Variants in APBA1 observed in about 807,000 individuals in gnomAD.
APBA1 encodes the protein amyloid beta precursor protein binding family A member 1.
APBA1 carries 55 observed loss-of-function variants against 86.6 expected under a neutral mutation model. That is an observed-to-expected ratio of 0.64 (90% CI 0.51 to 0.80). The LOEUF (loss-of-function observed/expected upper bound fraction) is 0.80, where lower values mean the gene tolerates loss of function less well. Among genes scored for constraint, APBA1 ranks in the 30% least tolerant of loss-of-function variants. The probability of loss-of-function intolerance (pLI) is 0.00; values close to 1 mark genes in which losing one functional copy is unlikely to be tolerated. For missense variants in APBA1, 1,090 were observed against 1,183.0 expected, an observed-to-expected ratio of 0.92 and a Z score of 1.15; for synonymous variants, 511 against 493.9, an observed-to-expected ratio of 1.03 and a Z score of -0.46.
At chr9:69,440,884 A>T in intron 11 of APBA1, 112 bp downstream of exon 11, 2 of 1,313,574 alleles carry the variant, frequency 1.5e-6, no homozygotes, top group Non-Finnish European at 2.1e-6. Flanking sequence ...TCACGCTGGG[A>T]GTTGTAGACT....
chr9:69,516,249 C>T lies in APBA1; in HGVS notation c.962G>A (p.Gly321Glu). ...CGCGGGGCCCACCGCCCGCTGCTGC[C>T]CCGCCGGCGCCTGCAGCCCGGGGCT... is the stretch of plus-strand genomic sequence containing the variant. The part of the protein sequence containing the change: ...PDSPGLQAPA[G>E]QQRAVGPAGG... The change falls in exon 2 of 13, where the codon GGG becomes GAG. Residue 321 changes from glycine to glutamate, a missense_variant. Around this residue, in one of 6 missense-constraint regions of APBA1, gnomAD observed 678 missense variants for 647.1 expected, o/e 1.05. Coordinates refer to ENST00000265381, the MANE Select transcript of APBA1 (RefSeq NM_001163.4). This position sits in a 1 kb window ranked among gnomAD's most constrained non-coding sequence, Gnocchi z 7.3. 1 of 1,376,880 alleles carries T rather than the reference C, an allele frequency of 7.3e-7. No individual in the cohort carries two copies. The highest frequency in any genetic ancestry group is 9.3e-7 in the Non-Finnish European group (1 of 1,069,686). 85.3% of individuals were successfully genotyped at this position (1,376,880 alleles called of 1,614,324 possible). A position where few individuals can be genotyped will look rare whatever the true frequency, so the allele number is the denominator to read the frequency against.
chr9:69,582,741 T>C (rs1204818895), intron 1 of APBA1, among the ~76,000 whole-genome samples: 2 of 152,160 alleles, frequency 1.3e-5, no homozygotes, highest in Non-Finnish European at 2.9e-5. Context: ...GGGGACTTAT[T>C]CTTCCCCATT....
rs148616379 is a variant in APBA1 at position 69,429,291 on chromosome 9, T to C, written c.*2036A>G. The C allele has an allele frequency of 3.9e-5, 6 of 152,286 alleles. No individual in the cohort carries two copies. The highest frequency in any genetic ancestry group is 8.8e-5 in the Non-Finnish European group (6 of 68,064). The allele number at this position is 152,286 out of a possible 1,614,324, so 9.4% of individuals were successfully genotyped here. ...TGTCTCACTGTATCACCAGATACTC[T>C]ACAGCAAATGGAGAACCCTGGCCAT... On this transcript the variant is annotated 3_prime_UTR_variant, in exon 13 of 13. Coordinates refer to ENST00000265381, the MANE Select transcript of APBA1 (RefSeq NM_001163.4).
intron 4 of APBA1, among the ~76,000 whole-genome samples, chr9:69,470,919 T>G (rs1056654630): frequency 2.6e-5 from 4 of 151,990 alleles, no homozygotes; most frequent in African/African-American, 9.7e-5. Context: ...GGCCTTAGAG[T>G]AGGTGCCCTT....
intron 6 of APBA1, 71 bp downstream of exon 6, chr9:69,458,084 TA>T: frequency 2.1e-6 from 3 of 1,429,828 alleles, no homozygotes; most frequent in East Asian, 2.4e-5. Flanking sequence ...CACGAAAATA[TA>T]AAAAGGTAAA....
intron 1 of APBA1, among the ~76,000 whole-genome samples, chr9:69,580,677 G>A (rs1429934955): frequency 6.6e-6 from 1 of 152,084 alleles, no homozygotes; most frequent in Non-Finnish European, 1.5e-5. Flanking sequence ...TTGCTGACAG[G>A]CTTCCTTTGA....
intron 1 of APBA1, among the ~76,000 whole-genome samples, chr9:69,617,853 A>G (rs1031372785): frequency 1.3e-5 from 2 of 152,064 alleles, no homozygotes; most frequent in Non-Finnish European, 2.9e-5. Flanking sequence ...CTCCTTTTAA[A>G]TCTTACTTTC....
intron 1 of APBA1, among the ~76,000 whole-genome samples, chr9:69,540,122 G>GCAGCAACAACAACAA (rs1554698957): frequency 6.7e-6 from 1 of 148,468 alleles, no homozygotes; most frequent in Non-Finnish European, 1.5e-5. Context: ...CTCCATCTCG[G>GCAGCAACAACAACAA]CAACAACAAC....
intron 1 of APBA1, among the ~76,000 whole-genome samples, chr9:69,594,448 C>T (rs1822191348): frequency 6.6e-6 from 1 of 152,092 alleles, no homozygotes; most frequent in Non-Finnish European, 1.5e-5. Flanking sequence ...CTTATCTATC[C>T]AGGTTACTAT....
At chr9:69,606,652 C>T (rs146370961) in intron 1 of APBA1, among the ~76,000 whole-genome samples, 1,936 of 151,770 alleles carry the variant, frequency 0.013, 47 homozygotes, top group African/African-American at 0.044. Flanking sequence ...CCACCACGCC[C>T]GGCTAATTTT....
chr9:69,475,713 T>C (rs890416537), intron 3 of APBA1, among the ~76,000 whole-genome samples: 28 of 152,258 alleles, frequency 1.8e-4, no homozygotes, highest in African/African-American at 6.5e-4. Flanking sequence ...GTCGAGTTTT[T>C]GGTGTCTGAG....
At chr9:69,541,079 T>C (rs1374847480) in intron 1 of APBA1, among the ~76,000 whole-genome samples, 2 of 152,232 alleles carry the variant, frequency 1.3e-5, no homozygotes, top group African/African-American at 2.4e-5. Flanking sequence ...ATTTTATTTA[T>C]ACAGTCATCT....
chr9:69,618,370 A>G (rs1377947540), intron 1 of APBA1, among the ~76,000 whole-genome samples: 1 of 152,234 alleles, frequency 6.6e-6, no homozygotes, highest in African/African-American at 2.4e-5. Context: ...TGTTTGCGCG[A>G]TGCACAAGAG....
chr9:69,653,343 C>T (rs1247664834), intron 1 of APBA1, among the ~76,000 whole-genome samples: 1 of 152,106 alleles, frequency 6.6e-6, no homozygotes, highest in African/African-American at 2.4e-5. Flanking sequence ...GAGAGGTTGA[C>T]TACAATACAA....
At chr9:69,502,196 A>G (rs1835889501) in intron 2 of APBA1, among the ~76,000 whole-genome samples, 1 of 152,060 alleles carries the variant, frequency 6.6e-6, no homozygotes, top group Non-Finnish European at 1.5e-5. Context: ...CAGTAACTGG[A>G]AAACGTGCCT....
intron 1 of APBA1, among the ~76,000 whole-genome samples, chr9:69,621,343 C>T (rs1023293655): frequency 1.9e-4 from 29 of 152,188 alleles, no homozygotes; most frequent in Non-Finnish European, 4.4e-5. Context: ...GGTACTTCAA[C>T]ACCACTGAAA....
At chr9:69,434,066 C>T (rs904729143) in intron 11 of APBA1, among the ~76,000 whole-genome samples, 2 of 152,194 alleles carry the variant, frequency 1.3e-5, no homozygotes, top group African/African-American at 4.8e-5. Flanking sequence ...CCTGGCTTCG[C>T]CGGAAGGCCA....
chr9:69,483,702 G>C (rs981545228), intron 2 of APBA1, among the ~76,000 whole-genome samples: 1 of 152,132 alleles, frequency 6.6e-6, no homozygotes, highest in African/African-American at 2.4e-5. Context: ...CCATACACCT[G>C]ATTCTAGGCA....
chr9:69,550,052 A>G (rs571228930), intron 1 of APBA1, among the ~76,000 whole-genome samples: 1 of 152,310 alleles, frequency 6.6e-6, no homozygotes, highest in East Asian at 1.9e-4. Flanking sequence ...CTTAACTTCT[A>G]TGATTGTTAT....
Sources: gnomAD v4.1 joint callset for allele counts (sites outside exome capture counted in the v4.1 genomes callset) on GRCh38, gnomAD v4.1.1 for gene constraint, gnomAD v4.1.1 regional missense constraint, Gnocchi (gnomAD v3.1) non-coding constraint, MANE v1.5 for transcripts, NCBI Gene and HGNC (gene_info 2026-07-23, HGNC 2026-07-21) for gene names.